EEPD1: variants seen among roughly 807,000 people sequenced by gnomAD.
The protein encoded by EEPD1 is endonuclease/exonuclease/phosphatase family domain-containing protein 1.
In EEPD1, 17 loss-of-function variants were observed where a neutral mutation model predicts 46.3. The ratio of observed to expected loss-of-function variants is 0.37; its 90% CI spans 0.25 to 0.55. The LOEUF (loss-of-function observed/expected upper bound fraction) is 0.55. Among genes scored for constraint, EEPD1 ranks in the 20% least tolerant of loss-of-function variants. The pLI, the probability that EEPD1 is intolerant of heterozygous loss-of-function variation, is 0.83. For synonymous variants in EEPD1, 313 were observed against 315.6 expected (o/e 0.99, Z 0.09); for missense variants, 673 against 745.6 (o/e 0.90, Z 1.13).
chr7:36,273,714 A>G (rs900018845), intron 3 of EEPD1, among the ~76,000 whole-genome samples: 3 of 152,016 alleles, frequency 2.0e-5, no homozygotes, highest in Non-Finnish European at 4.4e-5. Flanking sequence ...CCTGGTCTGG[A>G]GTCATTTCCC....
At chr7:36,219,135 A>T (rs1786087206) in intron 2 of EEPD1, among the ~76,000 whole-genome samples, 1 of 152,140 alleles carries the variant, frequency 6.6e-6, no homozygotes, top group African/African-American at 2.4e-5. Context: ...AGAAAATAAG[A>T]TGGATCGATG....
intron 3 of EEPD1, among the ~76,000 whole-genome samples, chr7:36,275,489 C>A (rs1787167446): frequency 6.6e-6 from 1 of 152,068 alleles, no homozygotes; most frequent in Admixed American, 6.5e-5. Flanking sequence ...CTCTGTCACC[C>A]AGGATGGAGT....
intron 4 of EEPD1, among the ~76,000 whole-genome samples, chr7:36,284,439 C>T (rs1242637263): frequency 1.3e-5 from 2 of 152,220 alleles, no homozygotes; most frequent in Non-Finnish European, 2.9e-5. Flanking sequence ...CACCTCCCCC[C>T]AAAGACAGAA....
At chr7:36,192,783 G>A (rs540195427) in intron 2 of EEPD1, among the ~76,000 whole-genome samples, 1 of 152,184 alleles carries the variant, frequency 6.6e-6, no homozygotes, top group Non-Finnish European at 1.5e-5. Context: ...TGTTGTTTTC[G>A]TGAATGCGGT....
chr7:36,290,889 T>C (rs1214289416), intron 6 of EEPD1, among the ~76,000 whole-genome samples: 1 of 152,204 alleles, frequency 6.6e-6, no homozygotes, highest in Non-Finnish European at 1.5e-5. Context: ...TGGGTGGCTT[T>C]TTAGGAAGAT....
chr7:36,240,611 A>G (rs536509432), intron 3 of EEPD1, among the ~76,000 whole-genome samples: 6 of 152,376 alleles, frequency 3.9e-5, no homozygotes, highest in Admixed American at 1.3e-4. Context: ...AAAAGACATC[A>G]TCGGGCCAAA....
At chr7:36,155,819 T>C (rs747619665) in intron 2 of EEPD1, among the ~76,000 whole-genome samples, 1 of 152,036 alleles carries the variant, frequency 6.6e-6, no homozygotes, top group Non-Finnish European at 1.5e-5. Context: ...CAAGCTGACG[T>C]GTGTGTGTGA....
chr7:36,251,851 A>G (rs904162981), intron 3 of EEPD1, among the ~76,000 whole-genome samples: 3 of 152,230 alleles, frequency 2.0e-5, no homozygotes, highest in Admixed American at 1.3e-4. Flanking sequence ...ACATATATGC[A>G]ATGATTTTTT....
At position 36,153,610 on chromosome 7, in the gene EEPD1, G is replaced by C. The variant is rs1262425400; in HGVS notation, c.-257G>C. On this transcript the variant is annotated 5_prime_UTR_variant, in exon 1 of 8. Transcript: ENST00000242108. The stretch of plus-strand genomic sequence containing the variant: ...GAGGCAGGGGGCCCGTGCTGTCCCG[G>C]GCTGGGCTCAGGCTTCCGAGCCGCA... The C allele has an allele frequency of 6.6e-6, 1 of 152,538 alleles. No homozygotes were observed. The highest frequency in any genetic ancestry group is 6.5e-5 in the Admixed American group (1 of 15,296). The allele number at this position is 152,538 out of a possible 1,614,324, so 9.4% of individuals were successfully genotyped here. A position where few individuals can be genotyped will look rare whatever the true frequency, so the allele number is the denominator to read the frequency against.
intron 2 of EEPD1, among the ~76,000 whole-genome samples, chr7:36,198,665 GT>G (rs1452637818): frequency 6.6e-6 from 1 of 152,192 alleles, no homozygotes; most frequent in East Asian, 1.9e-4. Context: ...AAAATCGAAA[GT>G]TTTAAATGAT....
chr7:36,238,959 T>C (rs1400661168), intron 2 of EEPD1, 26 bp from the exon 3 acceptor site: 2 of 1,600,702 alleles, frequency 1.2e-6, no homozygotes, highest in Non-Finnish European at 1.7e-6. Flanking sequence ...TGTTTTCAAG[T>C]GTGGTTTTGA....
intron 3 of EEPD1, among the ~76,000 whole-genome samples, chr7:36,271,798 C>CTATTCTATT (rs1787106910): frequency 1.5e-5 from 2 of 132,314 alleles, no homozygotes; most frequent in African/African-American, 6.1e-5. Flanking sequence ...ACATAAGCCT[C>CTATTCTATT]CTATTCTATT....
intron 2 of EEPD1, among the ~76,000 whole-genome samples, chr7:36,183,778 GCA>G (rs1369382064): frequency 2.0e-5 from 3 of 151,834 alleles, no homozygotes; most frequent in African/African-American, 7.2e-5. Flanking sequence ...GGGATTACAG[GCA>G]TGAGCCACTG....
intron 2 of EEPD1, among the ~76,000 whole-genome samples, chr7:36,204,440 G>A (rs1490972739): frequency 1.3e-5 from 2 of 152,202 alleles, no homozygotes; most frequent in East Asian, 1.9e-4. Context: ...AGGAGAAGGA[G>A]GAGGGACTTT....
rs779633027 is a variant in EEPD1, at chr7:36,154,654, TC to T, written c.333del (p.Ser112ValfsTer8). 2.5e-6 allele frequency: 4 copies of T among 1,613,860 alleles called. No homozygotes were observed. In the South Asian group the frequency reaches 4.4e-5, roughly 18 times the overall value. ...SSKGSSAQHS[P>X]SSLRRDLLAE... is the part of the protein sequence containing the mutation. The stretch of plus-strand genomic sequence containing the variant: ...GCAAGGGCAGCTCAGCGCAGCACTC[TC>T]CCAGTTCCCTGCGGCGGGACCTGCT... On this transcript the variant is annotated frameshift_variant, in exon 2 of 8. Transcript: ENST00000242108. LOFTEE classifies it high-confidence loss of function. This position sits in a 1 kb window ranked among gnomAD's most constrained non-coding sequence, Gnocchi z 4.2.
chr7:36,186,144 A>C (rs1271281115), intron 2 of EEPD1, among the ~76,000 whole-genome samples: 1 of 152,182 alleles, frequency 6.6e-6, no homozygotes, highest in Non-Finnish European at 1.5e-5. Context: ...CCAGAAGCCA[A>C]ATGGGCAGAC....
chr7:36,283,039 C>T (rs1432214855), intron 4 of EEPD1, among the ~76,000 whole-genome samples: 1 of 152,228 alleles, frequency 6.6e-6, no homozygotes, highest in African/African-American at 2.4e-5. Context: ...GCATCTTCTC[C>T]CCAGCTCCCT....
intron 2 of EEPD1, among the ~76,000 whole-genome samples, chr7:36,169,088 A>T (rs907101420): frequency 1.3e-5 from 2 of 152,182 alleles, no homozygotes; most frequent in Non-Finnish European, 2.9e-5. Context: ...CACTATATAG[A>T]TGTACCACAT....
intron 2 of EEPD1, among the ~76,000 whole-genome samples, chr7:36,221,970 T>TA (rs1196957455): frequency 6.6e-6 from 1 of 152,194 alleles, no homozygotes; most frequent in African/African-American, 2.4e-5. Flanking sequence ...CATACTCCCT[T>TA]ACCTGGCTTT....
Sources: gnomAD v4.1 joint callset for allele counts (sites outside exome capture counted in the v4.1 genomes callset) on GRCh38, gnomAD v4.1.1 for gene constraint, Gnocchi (gnomAD v3.1) non-coding constraint, MANE v1.5 for transcripts, NCBI Gene and HGNC (gene_info 2026-07-23, HGNC 2026-07-21) for gene names.